The following LRP1B variants were observed in gnomAD, a reference collection of about 807,000 sequenced individuals.
LRP1B encodes the protein low-density lipoprotein receptor-related protein 1B.
LRP1B carries 217 observed loss-of-function variants against 556.6 expected under a neutral mutation model. The ratio of observed to expected loss-of-function variants is 0.39; its 90% CI spans 0.35 to 0.44. The LOEUF is 0.44. Among genes scored for constraint, LRP1B ranks in the 20% least tolerant of loss-of-function variants. The pLI is 1.00. For missense variants in LRP1B, 5,053 were observed against 5,620.8 expected (o/e 0.90, Z 3.23); for synonymous variants, 2,047 against 1,865.8 (o/e 1.10, Z -2.50).
chr2:140,537,962 C>T (rs1182072994), intron 45 of LRP1B, among the ~76,000 whole-genome samples: 1 of 151,952 alleles, frequency 6.6e-6, no homozygotes, highest in Non-Finnish European at 1.5e-5. Context: ...ACGTACTCAC[C>T]CCATTGCTTG....
chr2:141,204,982 A>G (rs930301687), intron 6 of LRP1B, among the ~76,000 whole-genome samples: 1 of 152,130 alleles, frequency 6.6e-6, no homozygotes, highest in East Asian at 1.9e-4. Flanking sequence ...AGAAATGTAT[A>G]TGAGGCATAT....
intron 18 of LRP1B, among the ~76,000 whole-genome samples, chr2:140,961,148 C>T (rs1696021778): frequency 6.6e-6 from 1 of 151,878 alleles, no homozygotes; most frequent in African/African-American, 2.4e-5. Flanking sequence ...AGGAAAACTA[C>T]CTTATGTTTT....
chr2:141,747,028 T>C (rs1272414167), intron 2 of LRP1B, among the ~76,000 whole-genome samples: 1 of 152,176 alleles, frequency 6.6e-6, no homozygotes, highest in African/African-American at 2.4e-5. Flanking sequence ...TAAAAGTCTA[T>C]CCCAAGGAAG....
chr2:142,036,714 T>C (rs1055693287), intron 1 of LRP1B, among the ~76,000 whole-genome samples: 27 of 151,710 alleles, frequency 1.8e-4, no homozygotes, highest in African/African-American at 6.0e-4. Flanking sequence ...GAGTTAAATA[T>C]AGAGCTTCTA....
intron 6 of LRP1B, among the ~76,000 whole-genome samples, chr2:141,224,812 G>C (rs938232745): frequency 4.0e-5 from 6 of 150,358 alleles, no homozygotes; most frequent in Non-Finnish European, 8.9e-5. Flanking sequence ...CACTGAGACT[G>C]TCATGGGGGT....
At chr2:142,081,609 G>A (rs182235098) in intron 1 of LRP1B, among the ~76,000 whole-genome samples, 2 of 152,226 alleles carry the variant, frequency 1.3e-5, no homozygotes, top group African/African-American at 2.4e-5. Context: ...TGAATTTGAG[G>A]TTAACAATAA....
chr2:140,872,905 ATATGTT>A (rs1392048806), intron 25 of LRP1B, among the ~76,000 whole-genome samples: 2 of 143,144 alleles, frequency 1.4e-5, no homozygotes, highest in Admixed American at 7.0e-5. Context: ...AGCAAGCATA[ATATGTT>A]TATGTATTTA....
intron 2 of LRP1B, among the ~76,000 whole-genome samples, chr2:141,675,969 T>C (rs1310353857): frequency 6.6e-6 from 1 of 152,064 alleles, no homozygotes; most frequent in Non-Finnish European, 1.5e-5. Context: ...AGATTATTAA[T>C]GATTTGAAGT....
At chr2:141,584,752 C>A (rs1213949579) in intron 2 of LRP1B, among the ~76,000 whole-genome samples, 5 of 152,184 alleles carry the variant, frequency 3.3e-5, no homozygotes, top group African/African-American at 9.6e-5. Flanking sequence ...ATGGATGACT[C>A]TTGAGGACGT....
At chr2:140,519,037 A>G (rs1281295864) in intron 49 of LRP1B, among the ~76,000 whole-genome samples, 5 of 152,206 alleles carry the variant, frequency 3.3e-5, no homozygotes, top group African/African-American at 9.6e-5. Flanking sequence ...CATACTGCCC[A>G]AGGTAATTTA....
chr2:140,235,501 C>G (rs1680654566), intron 89 of LRP1B, among the ~76,000 whole-genome samples: 1 of 151,052 alleles, frequency 6.6e-6, no homozygotes, highest in Non-Finnish European at 1.5e-5. Flanking sequence ...CTGTCTAAAC[C>G]TATTAGAACT....
At chr2:142,033,452 A>C (rs1250753031) in intron 1 of LRP1B, among the ~76,000 whole-genome samples, 3 of 151,664 alleles carry the variant, frequency 2.0e-5, no homozygotes, top group Admixed American at 2.0e-4. Context: ...CTTTAGTAAA[A>C]TACATCGTTT....
chr2:140,544,238 T>C lies in LRP1B; in HGVS notation c.7195-2267A>G, dbSNP rs186938790. Among the ~76,000 whole-genome samples, 260 of 148,146 alleles carry C rather than the reference T, an allele frequency of 1.8e-3. 3 individuals carry two copies. In the East Asian group the frequency reaches 0.044, roughly 25 times the overall value. The stretch of plus-strand genomic sequence containing the variant: ...CATATGTGCAGGTTTGTTATGTAGG[T>C]AAATTTGTATCACAGGGGTATTAAC... On this transcript the variant is annotated intron_variant, in intron 43 of 90. Transcript: ENST00000389484.
At chr2:140,900,127 G>T (rs544739285) in intron 23 of LRP1B, among the ~76,000 whole-genome samples, 2 of 152,178 alleles carry the variant, frequency 1.3e-5, no homozygotes, top group African/African-American at 4.8e-5. Context: ...ATTCTGAGCT[G>T]AGAGCAGAGG....
At chr2:140,307,516 A>G (rs1684119238) in intron 83 of LRP1B, among the ~76,000 whole-genome samples, 1 of 151,824 alleles carries the variant, frequency 6.6e-6, no homozygotes, top group African/African-American at 2.4e-5. Context: ...AGATGCTCCT[A>G]AGAATTCATA....
At chr2:141,428,182 A>C (rs1202469723) in intron 3 of LRP1B, among the ~76,000 whole-genome samples, 1 of 152,136 alleles carries the variant, frequency 6.6e-6, no homozygotes, top group Non-Finnish European at 1.5e-5. Flanking sequence ...CATGTATTAA[A>C]TAAATTAAGT....
intron 7 of LRP1B, among the ~76,000 whole-genome samples, chr2:141,177,278 T>A (rs778374753): frequency 6.6e-6 from 1 of 152,026 alleles, no homozygotes; most frequent in Non-Finnish European, 1.5e-5. Flanking sequence ...TAATTTTAGG[T>A]AGAAAAAAAT....
chr2:141,469,439 C>G (rs1275303734), intron 3 of LRP1B, among the ~76,000 whole-genome samples: 1 of 152,028 alleles, frequency 6.6e-6, no homozygotes, highest in Admixed American at 6.6e-5. Context: ...TTTCTTAGTT[C>G]TAGAGGCTAG....
intron 18 of LRP1B, among the ~76,000 whole-genome samples, chr2:140,967,552 C>T (rs1486495273): frequency 6.6e-6 from 1 of 151,940 alleles, no homozygotes; most frequent in East Asian, 1.9e-4. Flanking sequence ...GCCTGATTGC[C>T]CTGGCCAGAA....
Sources: allele counts gnomAD v4.1 joint callset (sites outside exome capture counted in the v4.1 genomes callset), GRCh38; gene constraint gnomAD v4.1.1; transcripts MANE v1.5; gene names NCBI Gene and HGNC (gene_info 2026-07-23, HGNC 2026-07-21).